Variants in PLCG2 observed in about 807,000 individuals in gnomAD.
The protein encoded by PLCG2 is phospholipase C gamma 2, also known as 1-phosphatidylinositol 4,5-bisphosphate phosphodiesterase gamma-2.
A neutral mutation model predicts 175.6 loss-of-function variants in PLCG2; 69 were observed. The ratio of observed to expected loss-of-function variants is 0.39; its 90% CI spans 0.32 to 0.48. The LOEUF is 0.48. Among genes scored for constraint, PLCG2 ranks in the 20% least tolerant of loss-of-function variants. The pLI is 0.91. For missense variants in PLCG2, 1,798 were observed against 1,650.9 expected, an observed-to-expected ratio of 1.09 and a Z score of -1.54; for synonymous variants, 827 against 624.0, an observed-to-expected ratio of 1.33 and a Z score of -4.85.
At chr16:81,836,637 A>T (rs1458734686) in intron 2 of PLCG2, among the ~76,000 whole-genome samples, 2 of 152,166 alleles carry the variant, frequency 1.3e-5, no homozygotes, top group African/African-American at 4.8e-5. Flanking sequence ...GCTCCTTAGG[A>T]GACTGAGGCA....
At position 81,785,978 on chromosome 16, in the gene PLCG2, G is replaced by A. The variant is rs1910951255; in HGVS notation, c.-12G>A. ...TCTCCCGATTCCTTCCTTCTCCCTG[G>A]AGCGGCCGACAATGTCCACCACGGT... On this transcript the variant is annotated 5_prime_UTR_variant, in exon 2 of 33. Coordinates refer to ENST00000564138, the MANE Select transcript of PLCG2 (RefSeq NM_002661.5). 1 of 1,610,106 alleles carries A rather than the reference G, an allele frequency of 6.2e-7. No individual in the cohort carries two copies.
chr16:81,760,991 C>A (rs1403761926), intron 2 of PLCG2, among the ~76,000 whole-genome samples: 3 of 152,076 alleles, frequency 2.0e-5, no homozygotes, highest in Non-Finnish European at 4.4e-5. Context: ...GCAACAGCGA[C>A]CTCCTGGGCT....
chr16:81,937,421 A>G (rs1910761032), intron 27 of PLCG2: 1 of 181,254 alleles, frequency 5.5e-6, no homozygotes, highest in Non-Finnish European at 1.2e-5. Context: ...TATAGCATAG[A>G]TGTATCAGAA....
intron 17 of PLCG2, 95 bp from the exon 18 acceptor site, chr16:81,910,425 T>C: frequency 9.4e-7 from 1 of 1,062,320 alleles, no homozygotes; most frequent in Non-Finnish European, 1.4e-6. Flanking sequence ...GGGAAGGTTG[T>C]GTGGCCACAT....
intron 2 of PLCG2, among the ~76,000 whole-genome samples, chr16:81,818,672 C>A (rs1904658283): frequency 6.6e-6 from 1 of 152,050 alleles, no homozygotes; most frequent in Non-Finnish European, 1.5e-5. Flanking sequence ...AGCAGCAAGC[C>A]TTGTTGGCAC....
At chr16:81,924,415 C>G (rs538097275) in intron 22 of PLCG2, among the ~76,000 whole-genome samples, 3 of 152,358 alleles carry the variant, frequency 2.0e-5, no homozygotes, top group South Asian at 2.1e-4. Flanking sequence ...TGAAATAACT[C>G]ACTTCATTTG....
At chr16:81,782,371 G>A (rs1250022274) in intron 1 of PLCG2, among the ~76,000 whole-genome samples, 1 of 152,106 alleles carries the variant, frequency 6.6e-6, no homozygotes, top group Admixed American at 6.5e-5. Context: ...GAACAAAAAA[G>A]GGATTTCAAG....
intron 2 of PLCG2, among the ~76,000 whole-genome samples, chr16:81,815,518 C>A (rs1042797940): frequency 6.6e-6 from 1 of 152,206 alleles, no homozygotes; most frequent in African/African-American, 2.4e-5. Flanking sequence ...GGGCTGTTTT[C>A]TTCTTCAGCC....
chr16:81,891,327 A>G (rs1286012285), intron 10 of PLCG2, 145 bp from the exon 11 acceptor site: 6 of 643,614 alleles, frequency 9.3e-6, no homozygotes, highest in South Asian at 5.4e-5. Context: ...GGTATTGAAA[A>G]CGTGGGTAAC....
At chr16:81,844,609 A>G (rs529645813) in intron 2 of PLCG2, among the ~76,000 whole-genome samples, 6 of 152,360 alleles carry the variant, frequency 3.9e-5, no homozygotes, top group African/African-American at 1.4e-4. Context: ...GGCGTGAGCC[A>G]CTGTGCCTGG....
chr16:81,878,784 A>G (rs912538932), intron 7 of PLCG2, among the ~76,000 whole-genome samples: 5 of 152,150 alleles, frequency 3.3e-5, no homozygotes, highest in African/African-American at 1.2e-4. Context: ...TGCCTTTGGG[A>G]TGCCCGACTG....
upstream of PLCG2, among the ~76,000 whole-genome samples, chr16:81,774,331 T>TA (rs879387686): frequency 1.3e-4 from 19 of 150,748 alleles, no homozygotes; most frequent in Non-Finnish European, 2.1e-4. Flanking sequence ...GCCTGGGCAG[T>TA]AAAAAAAACA....
chr16:81,781,027 AG>A (rs1384171493), intron 1 of PLCG2, among the ~76,000 whole-genome samples: 1 of 119,068 alleles, frequency 8.4e-6, no homozygotes, highest in Non-Finnish European at 1.8e-5. Flanking sequence ...CTCCATCTCA[AG>A]ACAAACAAAC....
chr16:81,882,456 C>T (rs971032802), intron 8 of PLCG2, among the ~76,000 whole-genome samples: 2 of 152,106 alleles, frequency 1.3e-5, no homozygotes, highest in Non-Finnish European at 2.9e-5. Flanking sequence ...AACTCTGGAT[C>T]GTGGCTTCTG....
In PLCG2 at chr16:81,912,588, G is replaced by T; in HGVS notation, c.1935-9G>T. ...TCACCTGGTCGTTTTCCCTGGCCCT[G>T]TGCCGCAGGTGGTACTATGACAGCC... On this transcript the variant is annotated splice_polypyrimidine_tract_variant and intron_variant, in intron 18 of 32. Coordinates refer to ENST00000564138, the MANE Select transcript of PLCG2 (RefSeq NM_002661.5). 1 of 1,612,656 alleles carries T rather than the reference G, an allele frequency of 6.2e-7. No individual in the cohort carries two copies. Among genetic ancestry groups the T allele is most frequent in the Non-Finnish European group, 8.5e-7 (1 of 1,179,732 alleles).
At chr16:81,746,144 C>T (rs1055330470) in intron 1 of PLCG2, among the ~76,000 whole-genome samples, 27 of 152,202 alleles carry the variant, frequency 1.8e-4, no homozygotes, top group Admixed American at 1.7e-3. Flanking sequence ...CAGACAGGAC[C>T]AGCCCATGGG....
chr16:81,858,242 T>C, intron 3 of PLCG2, 21 bp from the exon 4 acceptor site: 9 of 1,544,302 alleles, frequency 5.8e-6, no homozygotes, highest in Non-Finnish European at 8.1e-6. Context: ...ACAGCATTTC[T>C]GTTCCCTTTC....
chr16:81,848,184 C>T (rs1906221998), intron 2 of PLCG2, among the ~76,000 whole-genome samples: 1 of 152,208 alleles, frequency 6.6e-6, no homozygotes, highest in Non-Finnish European at 1.5e-5. Context: ...ACACAAATAT[C>T]ATCAACTGAT....
chr16:81,829,835 A>G (rs923177574), intron 2 of PLCG2, among the ~76,000 whole-genome samples: 1 of 151,824 alleles, frequency 6.6e-6, no homozygotes, highest in African/African-American at 2.4e-5. Flanking sequence ...GTGCTGTGGT[A>G]GCTGTGGATG....
Sources: allele counts gnomAD v4.1 joint callset (sites outside exome capture counted in the v4.1 genomes callset), GRCh38; gene constraint gnomAD v4.1.1; transcripts MANE v1.5; gene names NCBI Gene and HGNC (gene_info 2026-07-23, HGNC 2026-07-21).